Variants in HLF observed in about 807,000 individuals in gnomAD.
HLF encodes the protein hepatic leukemia factor.
In HLF, 3 loss-of-function variants were observed where a neutral mutation model predicts 22.6. That is an observed-to-expected ratio of 0.13 (90% CI 0.06 to 0.34). The LOEUF (loss-of-function observed/expected upper bound fraction) is 0.34. Ranked by LOEUF, HLF falls within the 10% of genes least tolerant of loss-of-function variation. The pLI is 1.00. For missense variants in HLF, 299 were observed against 389.2 expected (o/e 0.77, Z 1.95); for synonymous variants, 151 against 151.8 (o/e 0.99, Z 0.04).
intron 2 of HLF, among the ~76,000 whole-genome samples, chr17:55,268,696 ATC>A (rs961616628): frequency 6.7e-5 from 10 of 149,738 alleles, no homozygotes; most frequent in Non-Finnish European, 1.3e-4. Context: ...ACCAGACTCC[ATC>A]TCTCTCGTTG....
chr17:55,278,795 G>A (rs1235071844), intron 2 of HLF, among the ~76,000 whole-genome samples: 1 of 152,198 alleles, frequency 6.6e-6, no homozygotes, highest in Non-Finnish European at 1.5e-5. Context: ...CACTGAAGGA[G>A]ACCATGCAGG....
At chr17:55,310,113 GTAAC>G (rs746715674) in intron 2 of HLF, among the ~76,000 whole-genome samples, 4 of 152,182 alleles carry the variant, frequency 2.6e-5, no homozygotes, top group Non-Finnish European at 5.9e-5. Context: ...GGGTTTGAAG[GTAAC>G]TTCTATTCTT....
intron 2 of HLF, chr17:55,272,613 C>A (rs1461629506): frequency 6.6e-6 from 1 of 152,200 alleles, no homozygotes; most frequent in African/African-American, 2.4e-5. Flanking sequence ...CCCATTGTAC[C>A]TTTGCAATAT....
At chr17:55,276,733 ACCAGG>A in intron 2 of HLF, among the ~76,000 whole-genome samples, 1 of 152,328 alleles carries the variant, frequency 6.6e-6, no homozygotes, top group Non-Finnish European at 1.5e-5. Context: ...CTTCATGAGT[ACCAGG>A]CTGCAGAGCT....
chr17:55,306,001 C>A (rs551510842), intron 2 of HLF, among the ~76,000 whole-genome samples: 1 of 152,286 alleles, frequency 6.6e-6, no homozygotes, highest in African/African-American at 2.4e-5. Flanking sequence ...ATGAACTATT[C>A]TGCCTTCATA....
At chr17:55,297,180 A>G (rs2081118180) in intron 2 of HLF, among the ~76,000 whole-genome samples, 2 of 152,218 alleles carry the variant, frequency 1.3e-5, no homozygotes, top group African/African-American at 2.4e-5. Flanking sequence ...ATCCATCTTT[A>G]TTAAGATAAT....
chr17:55,301,624 G>C (rs1030671820), intron 2 of HLF, among the ~76,000 whole-genome samples: 2 of 152,238 alleles, frequency 1.3e-5, no homozygotes, highest in Non-Finnish European at 2.9e-5. Flanking sequence ...TAGAAACAAA[G>C]CAGACCATTG....
chr17:55,272,708 T>A (rs1428735692), intron 2 of HLF: 1 of 152,198 alleles, frequency 6.6e-6, no homozygotes, highest in East Asian at 1.9e-4. Context: ...ATCTGAGTAA[T>A]GATGGAGGGA....
In HLF at chr17:55,320,944, C is replaced by T; in HGVS notation, c.*65C>T. 1 of 1,278,832 alleles carries T rather than the reference C, an allele frequency of 7.8e-7. No individual in the cohort carries two copies. Among genetic ancestry groups the T allele is most frequent in the South Asian group, 1.3e-5 (1 of 75,500 alleles). The allele number at this position is 1,278,832 out of a possible 1,614,324, so 79.2% of individuals were successfully genotyped here. ...GTTTGTTTCCTGTCTGATAGCACCA[C>T]ACGCAAACCAACCTTTCTGACATCA... On this transcript the variant is annotated 3_prime_UTR_variant, in exon 4 of 4. Transcript: ENST00000226067. This position sits in a 1 kb window ranked among gnomAD's most constrained non-coding sequence, Gnocchi z 4.2.
chr17:55,266,679 CAG>C, intron 1 of HLF: 1 of 238,670 alleles, frequency 4.2e-6, no homozygotes. Context: ...TGTTTTAAGT[CAG>C]ATTTTCAGAT....
intron 2 of HLF, among the ~76,000 whole-genome samples, chr17:55,298,089 G>A (rs935587737): frequency 6.6e-6 from 1 of 152,020 alleles, no homozygotes; most frequent in African/African-American, 2.4e-5. Flanking sequence ...ACTGAGTCCT[G>A]TCTACTCCCA....
intron 2 of HLF, among the ~76,000 whole-genome samples, chr17:55,280,107 C>T (rs2080940045): frequency 6.6e-6 from 1 of 152,208 alleles, no homozygotes; most frequent in Admixed American, 6.5e-5. Flanking sequence ...ATATAAATGG[C>T]AGCTTTCAGC....
intron 2 of HLF, among the ~76,000 whole-genome samples, chr17:55,280,189 A>G (rs2145313494): frequency 6.6e-6 from 1 of 152,332 alleles, no homozygotes; most frequent in Admixed American, 6.5e-5. Context: ...TGGACACTTA[A>G]GTAGGAACAC....
At chr17:55,299,457 A>G (rs1406572524) in intron 2 of HLF, among the ~76,000 whole-genome samples, 1 of 152,196 alleles carries the variant, frequency 6.6e-6, no homozygotes, top group East Asian at 1.9e-4. Context: ...ATAATGAAAG[A>G]TGATGCAGGA....
rs559162525 is a variant in HLF at position 55,278,094 on chromosome 17, AATG to A, written c.451+10011_451+10013del. 1.7e-3 allele frequency among the ~76,000 whole-genome samples: 254 copies of A among 152,316 alleles called. 2 individuals are homozygous for A. The highest frequency in any genetic ancestry group is 0.01 in the Middle Eastern group (3 of 294). On this transcript the variant is annotated intron_variant, in intron 2 of 3. Coordinates refer to ENST00000226067, the MANE Select transcript of HLF (RefSeq NM_002126.5). Reference sequence around the variant, plus strand: ...AGTTTAATCTGGGATTTGTTTCCTTAATGATCTTTGGAAGAATGCTTTGGAATT... The same window carrying A: ...AGTTTAATCTGGGATTTGTTTCCTTAATCTTTGGAAGAATGCTTTGGAATT...
intron 1 of HLF, chr17:55,266,308 C>T (rs1180698140): frequency 6.6e-6 from 1 of 152,206 alleles, no homozygotes; most frequent in Non-Finnish European, 1.5e-5. Context: ...GGCTTGAGCC[C>T]TTTCTTGGTA....
intron 2 of HLF, among the ~76,000 whole-genome samples, chr17:55,295,396 TGA>T (rs965884972): frequency 1.8e-4 from 28 of 152,126 alleles, no homozygotes; most frequent in African/African-American, 5.6e-4. Context: ...TGAAATATAA[TGA>T]GAGGGGAAAA....
chr17:55,269,576 G>T (rs1567810136), intron 2 of HLF, among the ~76,000 whole-genome samples: 1 of 152,160 alleles, frequency 6.6e-6, no homozygotes, highest in Non-Finnish European at 1.5e-5. Flanking sequence ...ACCTTAGAAA[G>T]CAACATCATT....
At position 55,267,735 on chromosome 17, in the gene HLF, T is replaced by C. The variant is rs1368397940; in HGVS notation, c.116-16T>C. The C allele has an allele frequency of 6.6e-7, 1 of 1,514,222 alleles. No individual in the cohort carries two copies. The highest frequency in any genetic ancestry group is 1.2e-5 in the South Asian group (1 of 80,096). 93.8% of individuals were successfully genotyped at this position (1,514,222 alleles called of 1,614,324 possible). A position where few individuals can be genotyped will look rare whatever the true frequency, so the allele number is the denominator to read the frequency against. On this transcript the variant is annotated splice_polypyrimidine_tract_variant and intron_variant, in intron 1 of 3. Coordinates refer to ENST00000226067, the MANE Select transcript of HLF (RefSeq NM_002126.5). ...TCTTTCTTTTTTTTTAAGTCCAGCT[T>C]TCCCTTCTTCTGCAGCATTTAGTAA...
Sources: allele counts gnomAD v4.1 joint callset (sites outside exome capture counted in the v4.1 genomes callset), GRCh38; gene constraint gnomAD v4.1.1; non-coding constraint Gnocchi (gnomAD v3.1); transcripts MANE v1.5; gene names NCBI Gene and HGNC (gene_info 2026-07-23, HGNC 2026-07-21).